CEP68: variants seen among roughly 807,000 people sequenced by gnomAD.
The protein encoded by CEP68 is centrosomal protein of 68 kDa.
CEP68 carries 26 observed loss-of-function variants against 55.3 expected under a neutral mutation model. That is an observed-to-expected ratio of 0.47 (90% confidence interval 0.34 to 0.65). CEP68 has a LOEUF of 0.65. CEP68 is among the 30% of genes least tolerant of loss of function. The pLI is 0.01. For synonymous variants in CEP68, 402 were observed against 383.2 expected (o/e 1.05, Z -0.57); for missense variants, 957 against 946.7 (o/e 1.01, Z -0.14).
At chr2:65,070,748 G>A (rs1233453941) in intron 2 of CEP68, 6 of 152,148 alleles carry the variant, frequency 3.9e-5, no homozygotes, top group African/African-American at 4.8e-5. Flanking sequence ...CCTGTTGTTC[G>A]TTAAGCTCTT....
chr2:65,076,935 T>C (rs944879568), intron 4 of CEP68, among the ~76,000 whole-genome samples: 1 of 140,180 alleles, frequency 7.1e-6, no homozygotes, highest in Non-Finnish European at 1.6e-5. Context: ...TAAAAATTTA[T>C]AAAAATCAGT....
chr2:65,065,337 A>G (rs1012871549), intron 1 of CEP68, among the ~76,000 whole-genome samples: 2 of 152,210 alleles, frequency 1.3e-5, no homozygotes, highest in Admixed American at 1.3e-4. Flanking sequence ...AAATAACCCA[A>G]ATGTCCACTA....
Position 65,076,682 on chromosome 2 carries a change from A to G in CEP68, c.2008-1186A>G, listed in dbSNP as rs116262889. 4.3e-3 allele frequency among the ~76,000 whole-genome samples: 651 copies of G among 152,284 alleles called. 5 individuals are homozygous for G. Among genetic ancestry groups the G allele is most frequent in the African/African-American group, 0.015 (627 of 41,568 alleles). The stretch of plus-strand genomic sequence containing the variant: ...AGCACATAAACCACACTACAGTACT[A>G]GAGAATAAAATAATAAGTATAGGTA... On this transcript the variant is annotated intron_variant, in intron 4 of 6. Coordinates refer to ENST00000377990, the MANE Select transcript of CEP68 (RefSeq NM_015147.3).
intron 1 of CEP68, among the ~76,000 whole-genome samples, chr2:65,057,147 C>T (rs115794101): frequency 8.6e-4 from 131 of 152,344 alleles, no homozygotes; most frequent in African/African-American, 2.9e-3. Context: ...AAAACCTGTT[C>T]CAGGCCCTTG....
At chr2:65,063,446 G>C (rs1676007683) in intron 1 of CEP68, among the ~76,000 whole-genome samples, 1 of 152,226 alleles carries the variant, frequency 6.6e-6, no homozygotes, top group Admixed American at 6.5e-5. Context: ...GCCTCCAGGA[G>C]CACTGTAAAA....
At chr2:65,063,882 TTTTGGTAACATTTCA>T (rs1324287839) in intron 1 of CEP68, among the ~76,000 whole-genome samples, 1 of 152,250 alleles carries the variant, frequency 6.6e-6, no homozygotes, top group Non-Finnish European at 1.5e-5. Flanking sequence ...TTTCGTTGCA[TTTTGGTAACATTTCA>T]TAGACAGTTT....
chr2:65,079,808 C>T (rs1009379695), intron 5 of CEP68, among the ~76,000 whole-genome samples: 1 of 152,172 alleles, frequency 6.6e-6, no homozygotes, highest in Non-Finnish European at 1.5e-5. Flanking sequence ...GAGGCCTGAG[C>T]GGCTCCTCTC....
intron 3 of CEP68, 100 bp from the exon 4 acceptor site, chr2:65,074,182 C>T: frequency 7.1e-7 from 1 of 1,416,360 alleles, no homozygotes; most frequent in East Asian, 2.3e-5. Flanking sequence ...ACTGAAGGTG[C>T]ACAGTCTGTC....
chr2:65,056,690 G>T (rs1341774631), intron 1 of CEP68, among the ~76,000 whole-genome samples, 162 bp downstream of exon 1: 1 of 151,998 alleles, frequency 6.6e-6, no homozygotes, highest in Non-Finnish European at 1.5e-5. Context: ...CGTCCCCGCC[G>T]GCAAGGGCAC....
chr2:65,072,884 G>T lies in CEP68; in HGVS notation c.1788G>T (p.Arg596Ser). Residue 596 changes from arginine (R) to serine (S), a missense_variant, in exon 3 of 7, where the codon AGG (arginine) becomes AGT (serine). Coordinates refer to ENST00000377990, the MANE Select transcript of CEP68 (RefSeq NM_015147.3). ...AAACACGCCCCTCCTTGCCAGCTAG[G>T]TTGGACCGGTGGCCATTCTCAGACC... ...LLKTRPSLPA[R>S]LDRWPFSDPD... 1 of 1,614,230 alleles carries T rather than the reference G, an allele frequency of 6.2e-7. No individual in the cohort carries two copies. Among genetic ancestry groups the T allele is most frequent in the Non-Finnish European group, 8.5e-7 (1 of 1,180,042 alleles).
At chr2:65,081,960 G>GTGTT (rs980506360) in intron 5 of CEP68, among the ~76,000 whole-genome samples, 2 of 152,226 alleles carry the variant, frequency 1.3e-5, no homozygotes, top group African/African-American at 4.8e-5. Flanking sequence ...GCCTCCCAAA[G>GTGTT]TGTTGTTGGG....
rs192553294 is a variant in CEP68 at position 65,072,318 on chromosome 2, G to A, written c.1222G>A (p.Asp408Asn). The A allele has an allele frequency of 3.3e-4, 529 of 1,614,018 alleles. No individual in the cohort carries two copies. The highest frequency in any genetic ancestry group is 4.3e-4 in the Non-Finnish European group (507 of 1,180,008). The change falls in exon 3 of 7, where the codon GAT (aspartate) becomes AAT (asparagine). Residue 408 changes from aspartate (D) to asparagine (N), a missense_variant. Transcript: ENST00000377990. Reference protein sequence around the residue: ...ASTPRAPGSRDARWERREPAL... With the variant: ...ASTPRAPGSRNARWERREPAL... The stretch of plus-strand genomic sequence containing the variant: ...TACCCCCAGAGCCCCAGGCAGTAGG[G>A]ATGCTCGTTGGGAGCGCAGAGAGCC...
In CEP68 at chr2:65,072,457, AGAG is replaced by A; in HGVS notation, c.1364_1366del (p.Arg455del). Reference sequence around the variant, plus strand: ...CCCTCGCCCAGGCCAGAGAGGGAGAAGAGGACCAGCCAGAGTGCCCGGCGCCCT... The same window carrying A: ...CCCTCGCCCAGGCCAGAGAGGGAGAAGACCAGCCAGAGTGCCCGGCGCCCT... On this transcript the variant is annotated inframe_deletion, in exon 3 of 7. Coordinates refer to ENST00000377990, the MANE Select transcript of CEP68 (RefSeq NM_015147.3). The A allele has an allele frequency of 3.7e-6, 6 of 1,614,126 alleles. No homozygotes were observed. Among genetic ancestry groups the A allele is most frequent in the African/African-American group, 1.3e-5 (1 of 75,058 alleles).
chr2:65,058,575 C>T (rs1675766320), intron 1 of CEP68, among the ~76,000 whole-genome samples: 1 of 131,256 alleles, frequency 7.6e-6, no homozygotes, highest in East Asian at 2.3e-4. Flanking sequence ...GGCACAGTCT[C>T]AGCTCACTGC....
chr2:65,062,656 C>T (rs1049085625), intron 1 of CEP68, among the ~76,000 whole-genome samples: 13 of 151,804 alleles, frequency 8.6e-5, no homozygotes, highest in African/African-American at 2.9e-4. Flanking sequence ...GGCAACATAT[C>T]GAAACCCTGT....
intron 1 of CEP68, among the ~76,000 whole-genome samples, chr2:65,065,955 T>TA (rs59986437): frequency 0.069 from 8,981 of 129,268 alleles, 809 homozygotes; most frequent in African/African-American, 0.22. Flanking sequence ...GACTTCATCT[T>TA]AAAAAAAAAA....
chr2:65,071,214 A>T, intron 2 of CEP68: 1 of 544,642 alleles, frequency 1.8e-6, no homozygotes, highest in Non-Finnish European at 3.3e-6. Context: ...CCTGTGGAGG[A>T]AGGAAGAACC....
rs1234497111 is a variant in CEP68, at chr2:65,071,957, C to A, written c.861C>A (p.Asp287Glu). The change falls in exon 3 of 7, where the codon GAC becomes GAA. Residue 287 changes from aspartate to glutamate, a missense_variant. By Grantham distance (45) the Asp-to-Glu change is conservative. Transcript: ENST00000377990. ...VLPDSLPPSP[D>E]RHSPLWNPNK... ...CAGATTCCCTGCCTCCATCACCCGA[C>A]CGCCACTCCCCTCTCTGGAACCCAA... 1.2e-6 allele frequency: 2 copies of A among 1,613,012 alleles called. No homozygotes were observed. The highest frequency in any genetic ancestry group is 1.7e-6 in the Non-Finnish European group (2 of 1,180,012).
At chr2:65,063,134 G>A (rs1312397503) in intron 1 of CEP68, among the ~76,000 whole-genome samples, 1 of 152,222 alleles carries the variant, frequency 6.6e-6, no homozygotes, top group Non-Finnish European at 1.5e-5. Context: ...TAGGGCAAGA[G>A]TAAGCCAAGC....
Sources: gnomAD v4.1 joint callset for allele counts (sites outside exome capture counted in the v4.1 genomes callset) on GRCh38, gnomAD v4.1.1 for gene constraint, MANE v1.5 for transcripts, NCBI Gene and HGNC (gene_info 2026-07-23, HGNC 2026-07-21) for gene names.